CACUL1: variants seen among roughly 807,000 people sequenced by gnomAD.
CACUL1 encodes CDK2 associated cullin domain 1.
A neutral mutation model predicts 45.2 loss-of-function variants in CACUL1; 13 were observed. The ratio of observed to expected loss-of-function variants is 0.29; its 90% CI spans 0.19 to 0.46. The LOEUF is 0.46. Among genes scored for constraint, CACUL1 ranks in the 20% least tolerant of loss-of-function variants. The pLI is 1.00. For synonymous variants in CACUL1, 197 were observed against 174.2 expected (o/e 1.13, Z -1.03); for missense variants, 421 against 471.4 (o/e 0.89, Z 0.99).
chr10:118,709,523 T>C (rs994919415), intron 3 of CACUL1, among the ~76,000 whole-genome samples: 9 of 152,180 alleles, frequency 5.9e-5, no homozygotes, highest in African/African-American at 1.4e-4. Flanking sequence ...GGTCAGAGTG[T>C]TGGGGGACGA....
chr10:118,711,467 A>T (rs1267349960), intron 3 of CACUL1, among the ~76,000 whole-genome samples: 1 of 152,262 alleles, frequency 6.6e-6, no homozygotes, highest in Non-Finnish European at 1.5e-5. Flanking sequence ...ACTATAACTA[A>T]TGAACGGAAT....
In CACUL1 at chr10:118,681,061, T is replaced by A. The variant is rs962999827; in HGVS notation, c.*5067A>T. On this transcript the variant is annotated 3_prime_UTR_variant, in exon 9 of 9. Transcript: ENST00000369151. ...AGTATATGCCCTAATACAGAAGGAGTGATTCAGAACCCACCAAAAGATCAA... is the reference window on the plus strand; with the variant it reads ...AGTATATGCCCTAATACAGAAGGAGAGATTCAGAACCCACCAAAAGATCAA... 6.6e-6 allele frequency: 1 copy of A among 152,096 alleles called. No homozygotes were observed. The highest frequency in any genetic ancestry group is 1.5e-5 in the Non-Finnish European group (1 of 68,008). 9.4% of individuals were successfully genotyped at this position (152,096 alleles called of 1,614,324 possible). A position where few individuals can be genotyped will look rare whatever the true frequency, so the allele number is the denominator to read the frequency against.
At chr10:118,691,666 G>C (rs1259796747) in intron 6 of CACUL1, 3 of 313,138 alleles carry the variant, frequency 9.6e-6, no homozygotes, top group African/African-American at 6.7e-5. Context: ...AGGAGATCGA[G>C]ACCATCCTGG....
intron 6 of CACUL1, chr10:118,693,362 A>G (rs1330172893): frequency 3.1e-5 from 5 of 159,034 alleles, no homozygotes; most frequent in Admixed American, 2.5e-4. Flanking sequence ...AAACATGTAA[A>G]TGTCAAAATA....
intron 6 of CACUL1, among the ~76,000 whole-genome samples, chr10:118,694,654 T>A (rs920388559): frequency 6.6e-6 from 1 of 152,238 alleles, no homozygotes; most frequent in African/African-American, 2.4e-5. Context: ...TTAAAAACCA[T>A]GCTTTTGACT....
At chr10:118,730,243 G>GTATA in intron 2 of CACUL1, 41 bp downstream of exon 2, 1 of 1,606,408 alleles carries the variant, frequency 6.2e-7, no homozygotes, top group Non-Finnish European at 8.5e-7. Flanking sequence ...TTGAACCTTA[G>GTATA]TATACCCTTT....
chr10:118,752,022 C>G lies in CACUL1; in HGVS notation c.367+2374G>C, dbSNP rs1398805887. Among the ~76,000 whole-genome samples the G allele has an allele frequency of 2.6e-5, 4 of 152,104 alleles. No individual in the cohort carries two copies. The East Asian group carries it at 7.7e-4, about 29-fold the overall frequency. The stretch of plus-strand genomic sequence containing the variant: ...TGCTATCAAATTTTTGTAAGTTTAT[C>G]TTAAATCCAGCAATCCTGCTAAACT... On this transcript the variant is annotated intron_variant, in intron 1 of 8. Transcript: ENST00000369151.
chr10:118,735,287 T>C (rs982058974), intron 1 of CACUL1, among the ~76,000 whole-genome samples: 1 of 152,206 alleles, frequency 6.6e-6, no homozygotes, highest in African/African-American at 2.4e-5. Flanking sequence ...GGTTTTTTTG[T>C]TTATAAGGGA....
intron 3 of CACUL1, among the ~76,000 whole-genome samples, chr10:118,708,143 G>A (rs1412022985): frequency 3.3e-5 from 2 of 60,690 alleles, no homozygotes; most frequent in South Asian, 6.5e-4. Context: ...GCGAAACACT[G>A]TCTCAAAAAA....
chr10:118,712,493 C>T (rs1297502715), intron 3 of CACUL1, among the ~76,000 whole-genome samples: 1 of 152,236 alleles, frequency 6.6e-6, no homozygotes, highest in East Asian at 1.9e-4. Flanking sequence ...ACTCTTTTAG[C>T]CTTGCCATTC....
chr10:118,716,304 T>A (rs1332582511), intron 3 of CACUL1, among the ~76,000 whole-genome samples: 1 of 122,334 alleles, frequency 8.2e-6, no homozygotes, highest in Non-Finnish European at 1.9e-5. Flanking sequence ...ACCATTTTGG[T>A]ATTTTTTTTT....
chr10:118,749,847 C>G (rs998620269), intron 1 of CACUL1, among the ~76,000 whole-genome samples: 1 of 151,480 alleles, frequency 6.6e-6, no homozygotes, highest in Non-Finnish European at 1.5e-5. Context: ...CTGGTGGACC[C>G]GTAGTAACAC....
Position 118,680,108 on chromosome 10 carries a change from T to G in CACUL1, c.*6020A>C, listed in dbSNP as rs915052935. 2.6e-5 allele frequency: 4 copies of G among 152,214 alleles called. No individual in the cohort carries two copies. Among genetic ancestry groups the G allele is most frequent in the Non-Finnish European group, 5.9e-5 (4 of 68,052 alleles). The allele number at this position is 152,214 out of a possible 1,614,324, so 9.4% of individuals were successfully genotyped here. A position where few individuals can be genotyped will look rare whatever the true frequency, so the allele number is the denominator to read the frequency against. ...TCAAGACTACAGCTAGTTAAGCTAGTTGCTCTCAGGTTCTATTAATATGTG... is the reference window on the plus strand; with the variant it reads ...TCAAGACTACAGCTAGTTAAGCTAGGTGCTCTCAGGTTCTATTAATATGTG... On this transcript the variant is annotated 3_prime_UTR_variant, in exon 9 of 9. Coordinates refer to ENST00000369151, the MANE Select transcript of CACUL1 (RefSeq NM_153810.5).
intron 3 of CACUL1, among the ~76,000 whole-genome samples, chr10:118,709,580 C>T (rs1175023665): frequency 6.6e-6 from 1 of 152,212 alleles, no homozygotes; most frequent in Non-Finnish European, 1.5e-5. Context: ...TACACAAGAA[C>T]TAACTTGTGG....
intron 5 of CACUL1, among the ~76,000 whole-genome samples, chr10:118,696,610 T>C (rs1845325889): frequency 6.6e-6 from 1 of 152,196 alleles, no homozygotes; most frequent in Non-Finnish European, 1.5e-5. Context: ...GCTACTGCAC[T>C]CCAGCTTGGG....
At chr10:118,693,879 G>C (rs187126195) in intron 6 of CACUL1, 1 of 392,984 alleles carries the variant, frequency 2.5e-6, no homozygotes, top group East Asian at 7.1e-5. Context: ...CAATAAATTT[G>C]AATACTCTAG....
At chr10:118,746,344 G>A (rs1845843038) in intron 1 of CACUL1, among the ~76,000 whole-genome samples, 1 of 152,112 alleles carries the variant, frequency 6.6e-6, no homozygotes, top group Admixed American at 6.5e-5. Context: ...AGTTTCCAAA[G>A]TAACCCAGTA....
At chr10:118,711,141 A>G (rs1306765719) in intron 3 of CACUL1, among the ~76,000 whole-genome samples, 1 of 152,232 alleles carries the variant, frequency 6.6e-6, no homozygotes, top group Non-Finnish European at 1.5e-5. Flanking sequence ...GTGCAATGGC[A>G]TCATCTCGGC....
At chr10:118,742,866 A>C (rs1043744508) in intron 1 of CACUL1, among the ~76,000 whole-genome samples, 1 of 152,206 alleles carries the variant, frequency 6.6e-6, no homozygotes, top group Non-Finnish European at 1.5e-5. Context: ...AATACATTAT[A>C]CTGGCAGAAA....
Sources: allele counts gnomAD v4.1 joint callset (sites outside exome capture counted in the v4.1 genomes callset), GRCh38; gene constraint gnomAD v4.1.1; transcripts MANE v1.5; gene names NCBI Gene and HGNC (gene_info 2026-07-23, HGNC 2026-07-21).